The following STXBP2 variants were observed in gnomAD, a reference collection of about 807,000 sequenced individuals.
The protein encoded by STXBP2 is syntaxin-binding protein 2.
STXBP2 carries 47 observed loss-of-function variants against 72.2 expected under a neutral mutation model. That is an observed-to-expected ratio of 0.65 (90% CI 0.51 to 0.83). STXBP2 has a LOEUF of 0.83. Ranked by LOEUF, STXBP2 falls within the 40% of genes least tolerant of loss-of-function variation. STXBP2 has a pLI of 0.00. For synonymous variants in STXBP2, 367 were observed against 338.7 expected, an observed-to-expected ratio of 1.08 and a Z score of -0.92; for missense variants, 702 against 807.6, an observed-to-expected ratio of 0.87 and a Z score of 1.58.
At chr19:7,630,961 G>T in the STXBP2 span, 1 of 1,319,178 alleles carries the variant, frequency 7.6e-7, no homozygotes, top group Non-Finnish European at 1.1e-6. Context: ...TGTAATCCCA[G>T]GGCATGGGAG....
At chr19:7,639,594 C>A (rs1217369655) in intron 3 of STXBP2, 137 bp from the exon 4 acceptor site, 3 of 781,562 alleles carry the variant, frequency 3.8e-6, no homozygotes, top group Non-Finnish European at 6.6e-6. Flanking sequence ...GCTGGTGGTC[C>A]CTAAGTGGGT....
intron 14 of STXBP2, 89 bp downstream of exon 14, chr19:7,644,841 G>C (rs1309254978): frequency 6.3e-7 from 1 of 1,597,556 alleles, no homozygotes; most frequent in African/African-American, 1.3e-5. Flanking sequence ...AGCTCTCCTT[G>C]GGTCATTTGC....
intron 16 of STXBP2, chr19:7,646,635 C>T: frequency 5.9e-6 from 3 of 505,248 alleles, no homozygotes; most frequent in Non-Finnish European, 1.1e-5. Flanking sequence ...TGAGCCCCAG[C>T]CCTGGCCTTC....
In STXBP2 at chr19:7,637,124, A is replaced by AGCG. The variant is rs1438675248; in HGVS notation, c.-16_-14dup. On this transcript the variant is annotated 5_prime_UTR_variant, in exon 1 of 19. Transcript: ENST00000221283. ...GCCCCCACCTTGGGACACACCCGGA[A>AGCG]GCGGCGGCGGCGCCCCTCGGGGAAG... 8.1e-7 allele frequency: 1 copy of AGCG among 1,240,028 alleles called. No individual in the cohort carries two copies. Among genetic ancestry groups the AGCG allele is most frequent in the South Asian group, 4.1e-5 (1 of 24,674 alleles). 76.8% of individuals were successfully genotyped at this position (1,240,028 alleles called of 1,614,324 possible). A position where few individuals can be genotyped will look rare whatever the true frequency, so the allele number is the denominator to read the frequency against.
In STXBP2 at chr19:7,642,274, T is replaced by C. The variant is rs1290452201; in HGVS notation, c.735T>C (p.His245=). ...CTGACCCCGTGTCCCCACTACTGCA[T>C]GAGCTCACGTTCCAGGCCATGGCGT... The part of the protein sequence containing the change: ...RAADPVSPLL[H]ELTFQAMAYD... The change falls in exon 9 of 19, where the codon CAT becomes CAC. Residue 245 remains histidine, a synonymous_variant. Coordinates refer to ENST00000221283, the MANE Select transcript of STXBP2 (RefSeq NM_006949.4). This position sits in a 1 kb window ranked among gnomAD's most constrained non-coding sequence, Gnocchi z 6.0. 2 of 1,614,106 alleles carry C rather than the reference T, an allele frequency of 1.2e-6. No individual in the cohort carries two copies. Among genetic ancestry groups the C allele is most frequent in the East Asian group, 2.2e-5 (1 of 44,864 alleles).
chr19:7,635,148 C>T (rs1228238290), upstream of STXBP2, among the ~76,000 whole-genome samples: 1 of 152,172 alleles, frequency 6.6e-6, no homozygotes, highest in Non-Finnish European at 1.5e-5. Flanking sequence ...CTCTCTGTCC[C>T]CCCAAGGGGT....
In STXBP2 at chr19:7,647,406, G is replaced by A; in HGVS notation, c.1591G>A (p.Gly531Ser). ...KNKAGIEARAGPRLIVYVMGG... is the reference protein window; with the variant it reads ...KNKAGIEARASPRLIVYVMGG... ...CAAGGCTGGCATAGAAGCCCGGGCG[G>A]GCCCCCGGCTCATCGTGTATGTCAT... The change falls in exon 18 of 19, where the codon GGC (glycine) becomes AGC (serine). Residue 531 changes from glycine to serine, a missense_variant. Gly to Ser is a moderately conservative substitution (Grantham distance 56, BLOSUM62 0). Coordinates refer to ENST00000221283, the MANE Select transcript of STXBP2 (RefSeq NM_006949.4). 1 of 1,613,514 alleles carries A rather than the reference G, an allele frequency of 6.2e-7. No homozygotes were observed. Among genetic ancestry groups the A allele is most frequent in the African/African-American group, 1.3e-5 (1 of 75,044 alleles).
chr19:7,636,074 T>C (rs2031519812), upstream of STXBP2, among the ~76,000 whole-genome samples: 1 of 152,176 alleles, frequency 6.6e-6, no homozygotes, highest in South Asian at 2.1e-4. Context: ...CACCCCTACC[T>C]TCTGTGGCAC....
chr19:7,630,870 A>G, the STXBP2 span: 1 of 1,537,190 alleles, frequency 6.5e-7, no homozygotes, highest in Non-Finnish European at 8.7e-7. Context: ...TCTTCCTGCC[A>G]GAGGGATGGA....
intron 16 of STXBP2, 78 bp from the exon 17 acceptor site, chr19:7,647,084 G>A: frequency 6.6e-7 from 1 of 1,503,844 alleles, no homozygotes; most frequent in Non-Finnish European, 9.1e-7. Flanking sequence ...CTTGGCCCCT[G>A]AATACCCCGT....
chr19:7,647,616 C>G (rs545344355), intron 18 of STXBP2, 105 bp downstream of exon 18: 1 of 1,598,390 alleles, frequency 6.3e-7, no homozygotes, highest in African/African-American at 1.3e-5. Context: ...AGTCAGGGAC[C>G]TGGTTTGCTG....
At chr19:7,633,515 G>A, upstream of STXBP2, 4 of 1,534,770 alleles carry the variant, frequency 2.6e-6, no homozygotes, top group South Asian at 4.8e-5. Context: ...TGCCAGAGAG[G>A]GCCTTTTAAA....
At chr19:7,638,616 A>T in intron 1 of STXBP2, 110 bp from the exon 2 acceptor site, 2 of 1,269,778 alleles carry the variant, frequency 1.6e-6, no homozygotes, top group Non-Finnish European at 1.1e-6. Flanking sequence ...AAAAAAAAAA[A>T]AAAGTAAATG....
rs2031570802 is a variant in STXBP2 at position 7,637,117 on chromosome 19, A to G, written c.-33A>G. 1 of 1,239,204 alleles carries G rather than the reference A, an allele frequency of 8.1e-7. No homozygotes were observed. The highest frequency in any genetic ancestry group is 4.2e-5 in the Admixed American group (1 of 23,686). 76.8% of individuals were successfully genotyped at this position (1,239,204 alleles called of 1,614,324 possible). On this transcript the variant is annotated 5_prime_UTR_variant, in exon 1 of 19. Transcript: ENST00000221283. ...GGGCCACGCCCCCACCTTGGGACAC[A>G]CCCGGAAGCGGCGGCGGCGCCCCTC...
chr19:7,637,184 A>T lies in STXBP2; in HGVS notation c.35A>T (p.Glu12Val). The change falls in exon 1 of 19, where the codon GAA becomes GTA. Residue 12 changes from glutamate to valine, a missense_variant and splice_region_variant. Transcript: ENST00000221283. ...APSGLKAVVG[E>V]KILSGVIRSV... The stretch of plus-strand genomic sequence containing the variant: ...TCGGGGCTGAAGGCGGTGGTGGGGG[A>T]AAGTGAGTGCCTCTCCGGGGCCGGG... 8.0e-7 allele frequency: 1 copy of T among 1,242,452 alleles called. No individual in the cohort carries two copies. Among genetic ancestry groups the T allele is most frequent in the Non-Finnish European group, 1.0e-6 (1 of 988,360 alleles). 77.0% of individuals were successfully genotyped at this position (1,242,452 alleles called of 1,614,324 possible). A position where few individuals can be genotyped will look rare whatever the true frequency, so the allele number is the denominator to read the frequency against.
chr19:7,640,258 GTGTATGCGTGTATA>G (rs1262228574), intron 4 of STXBP2: 3 of 548,530 alleles, frequency 5.5e-6, no homozygotes, highest in East Asian at 8.7e-5. Flanking sequence ...GTGTGCATGT[GTGTATGCGTGTATA>G]TGTATGTGCA....
intron 12 of STXBP2, 58 bp from the exon 13 acceptor site, chr19:7,643,107 T>G: frequency 3.7e-6 from 6 of 1,613,984 alleles, no homozygotes; most frequent in Non-Finnish European, 5.1e-6. Context: ...ATGCTCTGTC[T>G]GCGTTCTGCC....
At chr19:7,646,506 G>A (rs1005849950) in intron 16 of STXBP2, 162 bp downstream of exon 16, 3 of 735,130 alleles carry the variant, frequency 4.1e-6, no homozygotes, top group South Asian at 1.5e-5. Flanking sequence ...CGCCAAGCCC[G>A]CAGCTGAGGA....
intron 6 of STXBP2, chr19:7,641,231 G>C (rs1409982117): frequency 1.4e-5 from 8 of 592,152 alleles, no homozygotes; most frequent in South Asian, 3.6e-5. Flanking sequence ...TTAGCTTGGC[G>C]TGGTGGCGTG....
Sources: allele counts gnomAD v4.1 joint callset (sites outside exome capture counted in the v4.1 genomes callset), GRCh38; gene constraint gnomAD v4.1.1; non-coding constraint Gnocchi (gnomAD v3.1); transcripts MANE v1.5; gene names NCBI Gene and HGNC (gene_info 2026-07-23, HGNC 2026-07-21).